SLC10A7: variants seen among roughly 807,000 people sequenced by gnomAD.
SLC10A7 encodes the protein sodium/bile acid cotransporter 7.
SLC10A7 carries 29 observed loss-of-function variants against 43.2 expected under a neutral mutation model. That is an observed-to-expected ratio of 0.67 (90% CI 0.50 to 0.92). The LOEUF is 0.92. Among genes scored for constraint, SLC10A7 ranks in the 40% least tolerant of loss-of-function variants. The probability of loss-of-function intolerance (pLI) is 0.00; values close to 1 mark genes in which losing one functional copy is unlikely to be tolerated. For missense variants in SLC10A7, 295 were observed against 403.2 expected, an observed-to-expected ratio of 0.73 and a Z score of 2.30; for synonymous variants, 152 against 144.8, an observed-to-expected ratio of 1.05 and a Z score of -0.35.
chr4:146,475,356 C>G (rs1733930699), intron 4 of SLC10A7, among the ~76,000 whole-genome samples: 3 of 152,128 alleles, frequency 2.0e-5, no homozygotes, highest in African/African-American at 4.8e-5. Context: ...AAATAATCCA[C>G]TTAAAACGTT....
At chr4:146,329,375 C>T (rs925851249) in intron 5 of SLC10A7, among the ~76,000 whole-genome samples, 15 of 152,136 alleles carry the variant, frequency 9.9e-5, no homozygotes, top group African/African-American at 3.6e-4. Context: ...ATAATAAAAA[C>T]TAACATTTAT....
intron 5 of SLC10A7, among the ~76,000 whole-genome samples, chr4:146,334,205 G>C (rs1038852679): frequency 6.6e-5 from 10 of 152,090 alleles, no homozygotes; most frequent in African/African-American, 2.4e-4. Context: ...TAGAGATACT[G>C]TGATAGCTGG....
At chr4:146,395,382 A>T (rs1738749994) in intron 5 of SLC10A7, among the ~76,000 whole-genome samples, 1 of 152,146 alleles carries the variant, frequency 6.6e-6, no homozygotes, top group African/African-American at 2.4e-5. Flanking sequence ...AGAGCAAAAC[A>T]CTGTCTCAAA....
chr4:146,293,807 A>G (rs1730601338), intron 8 of SLC10A7, 123 bp downstream of exon 8: 1 of 564,078 alleles, frequency 1.8e-6, no homozygotes, highest in Admixed American at 3.1e-5. Flanking sequence ...TAAATGTAAA[A>G]TAAAATTAAG....
intron 2 of SLC10A7, 65 bp from the exon 3 acceptor site, chr4:146,510,114 C>T: frequency 6.8e-7 from 1 of 1,472,040 alleles, no homozygotes; most frequent in Non-Finnish European, 9.1e-7. Flanking sequence ...GAGATCCCTA[C>T]TAAAATAACA....
chr4:146,376,046 C>T (rs764422049), intron 5 of SLC10A7, among the ~76,000 whole-genome samples: 28 of 152,134 alleles, frequency 1.8e-4, no homozygotes, highest in Non-Finnish European at 2.9e-4. Flanking sequence ...TACCCATTTA[C>T]TGTACAGGAT....
At chr4:146,515,283 A>G in intron 2 of SLC10A7, 1 of 642,472 alleles carries the variant, frequency 1.6e-6, no homozygotes, top group East Asian at 2.8e-5. Flanking sequence ...AAGCAGTTCC[A>G]TAAAGAGCAT....
chr4:146,277,529 G>A (rs1245397979), intron 10 of SLC10A7, among the ~76,000 whole-genome samples: 1 of 152,070 alleles, frequency 6.6e-6, no homozygotes, highest in Admixed American at 6.6e-5. Flanking sequence ...TCTTTAGCCT[G>A]GTGGTAAAAA....
intron 5 of SLC10A7, among the ~76,000 whole-genome samples, chr4:146,390,302 G>A (rs1456668058): frequency 6.6e-6 from 1 of 152,116 alleles, no homozygotes; most frequent in African/African-American, 2.4e-5. Flanking sequence ...TAGGCATGGG[G>A]CAGTTTTGAA....
chr4:146,279,942 T>C (rs891889665), intron 10 of SLC10A7, among the ~76,000 whole-genome samples: 2 of 152,066 alleles, frequency 1.3e-5, no homozygotes, highest in Admixed American at 1.3e-4. Flanking sequence ...TAGATGCAAG[T>C]ACAAGGAAGA....
chr4:146,363,790 A>G (rs1217903075), intron 5 of SLC10A7, among the ~76,000 whole-genome samples: 1 of 152,152 alleles, frequency 6.6e-6, no homozygotes, highest in Non-Finnish European at 1.5e-5. Context: ...AAACTGAAAA[A>G]TTTCTTGAAA....
At chr4:146,440,645 C>A (rs894919305) in intron 5 of SLC10A7, among the ~76,000 whole-genome samples, 25 of 152,054 alleles carry the variant, frequency 1.6e-4, no homozygotes, top group African/African-American at 5.8e-4. Context: ...GTTTCATAAT[C>A]CTAGGTTGTT....
intron 8 of SLC10A7, among the ~76,000 whole-genome samples, chr4:146,293,373 G>A (rs1007141159): frequency 1.3e-4 from 20 of 152,130 alleles, no homozygotes; most frequent in Middle Eastern, 3.2e-3. Context: ...TTGTCTTTGG[G>A]ATAACAGGAT....
At chr4:146,336,771 T>G (rs1406975985) in intron 5 of SLC10A7, among the ~76,000 whole-genome samples, 1 of 152,014 alleles carries the variant, frequency 6.6e-6, no homozygotes, top group African/African-American at 2.4e-5. Context: ...AGATGCTGAA[T>G]AGCAGACAGA....
intron 5 of SLC10A7, among the ~76,000 whole-genome samples, chr4:146,390,916 G>A (rs1305569851): frequency 6.6e-6 from 1 of 152,068 alleles, no homozygotes; most frequent in Non-Finnish European, 1.5e-5. Context: ...AAGCAAGAGG[G>A]GTTTTAGAAG....
Position 146,499,951 on chromosome 4 carries a change from G to GT in SLC10A7, c.396+3897dup, listed in dbSNP as rs1245827085. On this transcript the variant is annotated intron_variant, in intron 4 of 11. Transcript: ENST00000335472. ...TTGGCCAAAAGTTGAGAACAAAAAG[G>GT]TTTTTTAGTCTCTTAAATCAATATA... 5.9e-5 allele frequency among the ~76,000 whole-genome samples: 9 copies of GT among 152,220 alleles called. No individual in the cohort carries two copies. In the South Asian group the frequency reaches 1.9e-3, roughly 32 times the overall value.
chr4:146,417,039 GAT>G (rs962887527), intron 5 of SLC10A7, among the ~76,000 whole-genome samples: 4 of 151,956 alleles, frequency 2.6e-5, no homozygotes, highest in Admixed American at 2.6e-4. Context: ...CTCTCCATAA[GAT>G]ATATATATAA....
intron 5 of SLC10A7, among the ~76,000 whole-genome samples, chr4:146,348,123 A>G (rs1225998482): frequency 3.3e-5 from 5 of 152,174 alleles, no homozygotes; most frequent in Non-Finnish European, 5.9e-5. Context: ...CTCTGAACCA[A>G]ATTCAATGGA....
chr4:146,294,203 T>G, intron 7 of SLC10A7, 108 bp from the exon 8 acceptor site: 1 of 871,784 alleles, frequency 1.1e-6, no homozygotes, highest in Non-Finnish European at 1.6e-6. Flanking sequence ...AAGAGAATAA[T>G]TTGGCTGATG....
Sources: allele counts gnomAD v4.1 joint callset (sites outside exome capture counted in the v4.1 genomes callset), GRCh38; gene constraint gnomAD v4.1.1; transcripts MANE v1.5; gene names NCBI Gene and HGNC (gene_info 2026-07-23, HGNC 2026-07-21).